Variants in ARPC5 observed in about 807,000 individuals in gnomAD.
ARPC5 encodes actin related protein 2/3 complex subunit 5.
A neutral mutation model predicts 15.4 loss-of-function variants in ARPC5; 5 were observed. The ratio of observed to expected loss-of-function variants is 0.32; its 90% CI spans 0.17 to 0.68. The LOEUF is 0.68. Ranked by LOEUF, ARPC5 falls within the 30% of genes least tolerant of loss-of-function variation. The pLI is 0.71. For synonymous variants in ARPC5, 85 were observed against 72.2 expected, an observed-to-expected ratio of 1.18 and a Z score of -0.90; for missense variants, 138 against 192.8, an observed-to-expected ratio of 0.72 and a Z score of 1.68.
At chr1:183,634,911 CTTCTT>C (rs1558123754) in intron 1 of ARPC5, among the ~76,000 whole-genome samples, 2 of 120,208 alleles carry the variant, frequency 1.7e-5, no homozygotes, top group African/African-American at 4.0e-5. Flanking sequence ...CCTTCTTCTT[CTTCTT>C]TTTTTTTTTT....
intron 2 of ARPC5, chr1:183,632,429 A>G (rs1027224977): frequency 1.3e-5 from 2 of 152,234 alleles, no homozygotes; most frequent in Admixed American, 1.3e-4. Context: ...GTGGTTTACA[A>G]TAGGAAAAAA....
intron 2 of ARPC5, 26 bp downstream of exon 2, chr1:183,633,056 T>A: frequency 2.0e-6 from 3 of 1,535,726 alleles, no homozygotes; most frequent in Non-Finnish European, 1.8e-6. Flanking sequence ...TCAGCAGAGA[T>A]CACTGTGTTG....
At chr1:183,633,422 T>TTC (rs903625011) in intron 1 of ARPC5, 3 of 243,388 alleles carry the variant, frequency 1.2e-5, no homozygotes, top group African/African-American at 6.8e-5. Context: ...GTCTTTCATT[T>TTC]CCCAGTGAGA....
chr1:183,628,186 A>AT (rs1461499708), intron 3 of ARPC5, among the ~76,000 whole-genome samples: 144 of 128,056 alleles, frequency 1.1e-3, no homozygotes, highest in Non-Finnish European at 1.8e-3. Context: ...AAAAAAAAAA[A>AT]AAAAAAAAAA....
chr1:183,634,987 C>T (rs1445875822), intron 1 of ARPC5, among the ~76,000 whole-genome samples: 1 of 151,040 alleles, frequency 6.6e-6, no homozygotes, highest in African/African-American at 2.4e-5. Context: ...AGTCCCATCT[C>T]CCCCCGCCCC....
At chr1:183,628,398 G>C (rs1649173892) in intron 3 of ARPC5, among the ~76,000 whole-genome samples, 1 of 152,058 alleles carries the variant, frequency 6.6e-6, no homozygotes, top group Non-Finnish European at 1.5e-5. Context: ...CTTTAACTCT[G>C]ACTCTAATTT....
intron 2 of ARPC5, chr1:183,630,866 T>C (rs1649243310): frequency 7.0e-6 from 3 of 428,724 alleles, no homozygotes; most frequent in Non-Finnish European, 8.2e-6. Flanking sequence ...TTGGAGTGGA[T>C]TGGTGGGAGA....
At chr1:183,630,101 A>G (rs1649220815) in intron 3 of ARPC5, among the ~76,000 whole-genome samples, 1 of 152,204 alleles carries the variant, frequency 6.6e-6, no homozygotes, top group African/African-American at 2.4e-5. Context: ...CATTGTATGT[A>G]TGTACCACAA....
intron 1 of ARPC5, among the ~76,000 whole-genome samples, chr1:183,635,118 G>A (rs942744619): frequency 8.5e-5 from 13 of 152,168 alleles, no homozygotes; most frequent in African/African-American, 2.9e-4. Flanking sequence ...GTGACCCCAG[G>A]AAATCAGAGT....
rs899389981 is a variant in ARPC5 at position 183,623,576 on chromosome 1, A to G, written c.*3956T>C. 38 of 1,504,196 alleles carry G rather than the reference A, an allele frequency of 2.5e-5. No homozygotes were observed. The highest frequency in any genetic ancestry group is 3.2e-5 in the Non-Finnish European group (35 of 1,106,626). The allele number at this position is 1,504,196 out of a possible 1,614,324, so 93.2% of individuals were successfully genotyped here. ...GAGGTCCCGCGGCAGGAATATGGACAGAAGCAGCCTTGTTTAAGGGCACTT... is the reference window on the plus strand; with the variant it reads ...GAGGTCCCGCGGCAGGAATATGGACGGAAGCAGCCTTGTTTAAGGGCACTT... On this transcript the variant is annotated 3_prime_UTR_variant, in exon 4 of 4. Coordinates refer to ENST00000359856, the MANE Select transcript of ARPC5 (RefSeq NM_005717.4).
chr1:183,631,690 A>G (rs1293178422), intron 2 of ARPC5: 1 of 152,234 alleles, frequency 6.6e-6, no homozygotes, highest in Non-Finnish European at 1.5e-5. Flanking sequence ...TTTTTATTTA[A>G]AAATTTTAAT....
rs1296217464 is a variant in ARPC5 at position 183,621,172 on chromosome 1, ATTC to A, written c.*6357_*6359del. On this transcript the variant is annotated 3_prime_UTR_variant, in exon 4 of 4. Coordinates refer to ENST00000359856, the MANE Select transcript of ARPC5 (RefSeq NM_005717.4). Reference sequence around the variant, plus strand: ...TAGGTAAAGGGGTGGGAAAACATGCATTCTTCTACACGGCTGGAGAAAGTATAA... The same window carrying A: ...TAGGTAAAGGGGTGGGAAAACATGCATTCTACACGGCTGGAGAAAGTATAA... 6.6e-6 allele frequency: 1 copy of A among 152,238 alleles called. No individual in the cohort carries two copies. Among genetic ancestry groups the A allele is most frequent in the Non-Finnish European group, 1.5e-5 (1 of 68,034 alleles). 9.4% of individuals were successfully genotyped at this position (152,238 alleles called of 1,614,324 possible). A position where few individuals can be genotyped will look rare whatever the true frequency, so the allele number is the denominator to read the frequency against.
chr1:183,623,482 C>T lies in ARPC5; in HGVS notation c.*4050G>A, dbSNP rs1558119455. 4 of 1,550,186 alleles carry T rather than the reference C, an allele frequency of 2.6e-6. No homozygotes were observed. Among genetic ancestry groups the T allele is most frequent in the Non-Finnish European group, 3.5e-6 (4 of 1,146,840 alleles). On this transcript the variant is annotated 3_prime_UTR_variant, in exon 4 of 4. Coordinates refer to ENST00000359856, the MANE Select transcript of ARPC5 (RefSeq NM_005717.4). Reference sequence around the variant, plus strand: ...TCATACAAGAGGCACCTGCACAGAACGTTTTCACATTGGGGTTTTCACATA... The same window carrying T: ...TCATACAAGAGGCACCTGCACAGAATGTTTTCACATTGGGGTTTTCACATA...
chr1:183,625,934 C>G lies in ARPC5; in HGVS notation c.*1598G>C, dbSNP rs3856127. 0.28 allele frequency: 42,520 copies of G among 152,040 alleles called. 6,692 individuals are homozygous for G. Among genetic ancestry groups the G allele is most frequent in the Middle Eastern group, 0.38 (109 of 290 alleles). The allele number at this position is 152,040 out of a possible 1,614,324, so 9.4% of individuals were successfully genotyped here. ...ACTGCAGCTGCTAAGCTACTTTGCA[C>G]TTTCTAGTCTAGGTCTTTGGGCAGT... On this transcript the variant is annotated 3_prime_UTR_variant, in exon 4 of 4. Coordinates refer to ENST00000359856, the MANE Select transcript of ARPC5 (RefSeq NM_005717.4).
Position 183,621,634 on chromosome 1 carries a change from T to C in ARPC5, c.*5898A>G, listed in dbSNP as rs2101950695. ...CCCGAGGGCTGCTGGTTGCCCATTT[T>C]AACGGTTATTTCTTGATGATATGCT... is the stretch of plus-strand genomic sequence containing the variant. On this transcript the variant is annotated 3_prime_UTR_variant, in exon 4 of 4. Coordinates refer to ENST00000359856, the MANE Select transcript of ARPC5 (RefSeq NM_005717.4). The C allele has an allele frequency of 6.6e-6, 1 of 152,352 alleles. No homozygotes were observed. Among genetic ancestry groups the C allele is most frequent in the South Asian group, 2.1e-4 (1 of 4,828 alleles). 9.4% of individuals were successfully genotyped at this position (152,352 alleles called of 1,614,324 possible).
chr1:183,623,544 T>TG lies in ARPC5; in HGVS notation c.*3987dup. On this transcript the variant is annotated 3_prime_UTR_variant, in exon 4 of 4. Transcript: ENST00000359856. The stretch of plus-strand genomic sequence containing the variant: ...ACATTGGGGTGAGGGGGAGAGGGAG[T>TG]GGGGCAGAGGTCCCGCGGCAGGAAT... 2 of 1,547,076 alleles carry TG rather than the reference T, an allele frequency of 1.3e-6. No individual in the cohort carries two copies. The highest frequency in any genetic ancestry group is 2.4e-5 in the South Asian group (2 of 83,958).
chr1:183,623,160 T>G lies in ARPC5; in HGVS notation c.*4372A>C, dbSNP rs1648985149. On this transcript the variant is annotated 3_prime_UTR_variant, in exon 4 of 4. Coordinates refer to ENST00000359856, the MANE Select transcript of ARPC5 (RefSeq NM_005717.4). Reference sequence around the variant, plus strand: ...ACTGCTAGGCTGGAAAATACGGGAGTTTTAGAATGCTTTGGAATTCAGGTG... The same window carrying G: ...ACTGCTAGGCTGGAAAATACGGGAGGTTTAGAATGCTTTGGAATTCAGGTG... 6.7e-6 allele frequency: 3 copies of G among 447,334 alleles called. No homozygotes were observed. Among genetic ancestry groups the G allele is most frequent in the Non-Finnish European group, 8.2e-6 (2 of 243,826 alleles). The allele number at this position is 447,334 out of a possible 1,614,324, so 27.7% of individuals were successfully genotyped here. A position where few individuals can be genotyped will look rare whatever the true frequency, so the allele number is the denominator to read the frequency against.
intron 1 of ARPC5, 194 bp from the exon 2 acceptor site, chr1:183,633,348 T>G: frequency 4.9e-6 from 2 of 412,332 alleles, no homozygotes; most frequent in Non-Finnish European, 4.3e-6. Flanking sequence ...AACATTAGAC[T>G]TTTTTTTAAT....
chr1:183,634,016 C>T (rs1558123116), intron 1 of ARPC5: 1 of 152,126 alleles, frequency 6.6e-6, no homozygotes, highest in African/African-American at 2.4e-5. Flanking sequence ...ATGAACTGAT[C>T]AAAAAGCAGA....
Sources: gnomAD v4.1 joint callset for allele counts (sites outside exome capture counted in the v4.1 genomes callset) on GRCh38, gnomAD v4.1.1 for gene constraint, MANE v1.5 for transcripts, NCBI Gene and HGNC (gene_info 2026-07-23, HGNC 2026-07-21) for gene names.